SLFN11: variants seen among roughly 807,000 people sequenced by gnomAD.
SLFN11 encodes the protein schlafen family member 11.
In SLFN11, 43 loss-of-function variants were observed where a neutral mutation model predicts 53.4. The observed-to-expected ratio is 0.80, with a 90% confidence interval of 0.63 to 1.04. The LOEUF (loss-of-function observed/expected upper bound fraction) is 1.04, where lower values mean the gene tolerates loss of function less well. Among genes scored for constraint, SLFN11 ranks in the 50% least tolerant of loss-of-function variants. SLFN11 has a pLI of 0.00. For synonymous variants in SLFN11, 389 were observed against 394.7 expected (o/e 0.99, Z 0.17); for missense variants, 990 against 1,079.1 (o/e 0.92, Z 1.16).
At chr17:35,360,059 G>T in intron 5 of SLFN11, 184 bp downstream of exon 5, 1 of 563,392 alleles carries the variant, frequency 1.8e-6, no homozygotes, top group Non-Finnish European at 3.0e-6. Flanking sequence ...TCCTGCCTTA[G>T]CCAGTGGGGT....
At position 35,350,843 on chromosome 17, in the gene SLFN11, A is replaced by G. The variant is rs1906581189; in HGVS notation, c.*1513T>C. 6.6e-6 allele frequency: 1 copy of G among 152,260 alleles called. No individual in the cohort carries two copies. The highest frequency in any genetic ancestry group is 1.5e-5 in the Non-Finnish European group (1 of 68,038). The allele number at this position is 152,260 out of a possible 1,614,324, so 9.4% of individuals were successfully genotyped here. On this transcript the variant is annotated 3_prime_UTR_variant, in exon 7 of 7. Transcript: ENST00000685675. The stretch of plus-strand genomic sequence containing the variant: ...AATCAGTAGAGTAAGATTACCAATA[A>G]GTGAAATATTGGTCATATGATTTCT...
In SLFN11 at chr17:35,366,172, T is replaced by C. The variant is rs115065612; in HGVS notation, c.-20+775A>G. On this transcript the variant is annotated intron_variant, in intron 3 of 6. Coordinates refer to ENST00000685675, the MANE Select transcript of SLFN11 (RefSeq NM_001376007.1). ...ACAGAAGTAACTGAAATCTGGACTATGCATTCTAAGACAAATAGGTCAGGG... is the reference window on the plus strand; with the variant it reads ...ACAGAAGTAACTGAAATCTGGACTACGCATTCTAAGACAAATAGGTCAGGG... Among the ~76,000 whole-genome samples the C allele has an allele frequency of 4.3e-3, 662 of 152,248 alleles. 7 individuals carry two copies. Among genetic ancestry groups the C allele is most frequent in the African/African-American group, 0.015 (634 of 41,568 alleles).
chr17:35,363,741 C>T lies in SLFN11; in HGVS notation c.67G>A (p.Glu23Lys). The stretch of plus-strand genomic sequence containing the variant: ...CTGTTTTCTTCTCCAAGAGTCACTT[C>T]TCCTACATTGATGACCAGGTCTGGG... ...SYPDLVINVGEVTLGEENRKK... is the reference protein window; with the variant it reads ...SYPDLVINVGKVTLGEENRKK... Residue 23 changes from glutamate to lysine, a missense_variant, in exon 4 of 7, where the codon GAA (glutamate) becomes AAA (lysine). Coordinates refer to ENST00000685675, the MANE Select transcript of SLFN11 (RefSeq NM_001376007.1). 1 of 1,613,104 alleles carries T rather than the reference C, an allele frequency of 6.2e-7. No individual in the cohort carries two copies. The highest frequency in any genetic ancestry group is 1.1e-5 in the South Asian group (1 of 90,992).
intron 4 of SLFN11, 139 bp downstream of exon 4, chr17:35,362,600 A>G (rs1908366815): frequency 3.1e-6 from 2 of 654,198 alleles, no homozygotes; most frequent in South Asian, 8.7e-5. Context: ...ATGTATGAAA[A>G]GTAGAATACT....
chr17:35,357,807 A>G (rs1907708829), intron 5 of SLFN11, among the ~76,000 whole-genome samples: 1 of 144,428 alleles, frequency 6.9e-6, no homozygotes. Flanking sequence ...AATATAATAT[A>G]AAGATTTTAA....
chr17:35,352,840 A>G lies in SLFN11; in HGVS notation c.2222T>C (p.Leu741Ser). The change falls in exon 7 of 7, where the codon TTA becomes TCA. Residue 741 changes from leucine (L) to serine (S), a missense_variant. By Grantham distance (145) the Leu-to-Ser change is moderately radical. This residue lies in a region of SLFN11 where 313 missense variants were observed against 320.9 expected (regional missense o/e 0.98). Transcript: ENST00000685675. ...VRNADPIAKY[L>S]QKEMQVIRSN... Reference sequence around the variant, plus strand: ...TCTAATTACTTGCATTTCTTTTTGTAAGTACTTGGCTATTGGATCTGCATT... The same window carrying G: ...TCTAATTACTTGCATTTCTTTTTGTGAGTACTTGGCTATTGGATCTGCATT... The G allele has an allele frequency of 6.2e-7, 1 of 1,614,196 alleles. No individual in the cohort carries two copies. Among genetic ancestry groups the G allele is most frequent in the Non-Finnish European group, 8.5e-7 (1 of 1,180,034 alleles).
chr17:35,352,617 G>C lies in SLFN11; in HGVS notation c.2445C>G (p.Thr815=). Residue 815 remains threonine (T), a synonymous_variant, in exon 7 of 7, where the codon ACC becomes ACG. Coordinates refer to ENST00000685675, the MANE Select transcript of SLFN11 (RefSeq NM_001376007.1). ...ACTTATAGTGCTCCACTTCTTTTGCGGTGCTGACAAGCACAGCAACATCCT... is the reference window on the plus strand; with the variant it reads ...ACTTATAGTGCTCCACTTCTTTTGCCGTGCTGACAAGCACAGCAACATCCT... ...SPKDVAVLVS[T]AKEVEHYKYE... is the part of the protein sequence containing the mutation. 1 of 1,614,004 alleles carries C rather than the reference G, an allele frequency of 6.2e-7. No homozygotes were observed. Among genetic ancestry groups the C allele is most frequent in the Non-Finnish European group, 8.5e-7 (1 of 1,180,020 alleles).
In SLFN11 at chr17:35,351,280, A is replaced by G. The variant is rs996903586; in HGVS notation, c.*1076T>C. 1.2e-4 allele frequency: 19 copies of G among 152,214 alleles called. No individual in the cohort carries two copies. Among genetic ancestry groups the G allele is most frequent in the African/African-American group, 4.1e-4 (17 of 41,426 alleles). 9.4% of individuals were successfully genotyped at this position (152,214 alleles called of 1,614,324 possible). A position where few individuals can be genotyped will look rare whatever the true frequency, so the allele number is the denominator to read the frequency against. On this transcript the variant is annotated 3_prime_UTR_variant, in exon 7 of 7. Transcript: ENST00000685675. ...CCTATAAGGACACCAACCTTAGCAG[A>G]TCAGAGCCCCACCATGACTTCATGT...
In SLFN11 at chr17:35,352,144, G is replaced by A. The variant is rs988846805; in HGVS notation, c.*212C>T. 6 of 606,960 alleles carry A rather than the reference G, an allele frequency of 9.9e-6. No individual in the cohort carries two copies. The highest frequency in any genetic ancestry group is 1.7e-5 in the Non-Finnish European group (6 of 348,434). 37.6% of individuals were successfully genotyped at this position (606,960 alleles called of 1,614,324 possible). A position where few individuals can be genotyped will look rare whatever the true frequency, so the allele number is the denominator to read the frequency against. ...TTAGAAAACCACCATCTTTCTGGCTGGAAGAGTCAGGGGTCAGAATGGGGG... is the reference window on the plus strand; with the variant it reads ...TTAGAAAACCACCATCTTTCTGGCTAGAAGAGTCAGGGGTCAGAATGGGGG... On this transcript the variant is annotated 3_prime_UTR_variant, in exon 7 of 7. Transcript: ENST00000685675.
chr17:35,361,320 G>C (rs1908177316), intron 4 of SLFN11, among the ~76,000 whole-genome samples: 1 of 152,104 alleles, frequency 6.6e-6, no homozygotes. Flanking sequence ...TGCTGGCATA[G>C]AGCATAATGG....
intron 3 of SLFN11, among the ~76,000 whole-genome samples, chr17:35,365,114 G>C (rs965951669): frequency 2.6e-5 from 4 of 152,148 alleles, no homozygotes; most frequent in Non-Finnish European, 5.9e-5. Context: ...TGTGATCCAG[G>C]ATGCAGAAGA....
chr17:35,372,998 C>G (rs1020999380), intron 1 of SLFN11, among the ~76,000 whole-genome samples: 1 of 152,020 alleles, frequency 6.6e-6, no homozygotes, highest in Non-Finnish European at 1.5e-5. Flanking sequence ...CTTTTAGTTT[C>G]TATATTAAGG....
Position 35,353,848 on chromosome 17 carries a change from G to C in SLFN11, c.1410C>G (p.Pro470=). The stretch of plus-strand genomic sequence containing the variant: ...GCTCCCTGAGAATGGTGTAGAGAAT[G>C]GGGGTGCTGTTCTGTGCTATCAGCA... ...DALLIAQNST[P]ILYTILREQD... is the part of the protein sequence containing the mutation. The change falls in exon 6 of 7, where the codon CCC becomes CCG. Residue 470 remains proline (P), a synonymous_variant. Coordinates refer to ENST00000685675, the MANE Select transcript of SLFN11 (RefSeq NM_001376007.1). 6.2e-7 allele frequency: 1 copy of C among 1,606,098 alleles called. No homozygotes were observed. Among genetic ancestry groups the C allele is most frequent in the East Asian group, 2.2e-5 (1 of 44,810 alleles).
At position 35,354,065 on chromosome 17, in the gene SLFN11, T is replaced by A; in HGVS notation, c.1199-6A>T. The A allele has an allele frequency of 6.3e-7, 1 of 1,575,672 alleles. No homozygotes were observed. Among genetic ancestry groups the A allele is most frequent in the Non-Finnish European group, 8.6e-7 (1 of 1,160,646 alleles). On this transcript the variant is annotated splice_region_variant and splice_polypyrimidine_tract_variant and intron_variant, in intron 5 of 6. Coordinates refer to ENST00000685675, the MANE Select transcript of SLFN11 (RefSeq NM_001376007.1). ...TCGCAAATATCCTGGTGGGACTGTA[T>A]GTGAAAAGAATGATAAATTAGAGGA...
chr17:35,360,333 T>C lies in SLFN11; in HGVS notation c.1108A>G (p.Ser370Gly). The change falls in exon 5 of 7, where the codon AGT becomes GGT. Residue 370 changes from serine (S) to glycine (G), a missense_variant. Ser to Gly is a moderately conservative substitution (Grantham distance 56, BLOSUM62 0). Transcript: ENST00000685675. ...CTAAGGGGAGGCCCACTAGATAGAC[T>C]CAGCTGACATTCAAAATCTTCAGAC... is the stretch of plus-strand genomic sequence containing the variant. ...QLSEDFECQL[S>G]LSSGPPLSRP... The C allele has an allele frequency of 2.5e-6, 4 of 1,609,026 alleles. No individual in the cohort carries two copies. The highest frequency in any genetic ancestry group is 3.4e-6 in the Non-Finnish European group (4 of 1,178,424).
chr17:35,365,707 A>G (rs78246230), intron 3 of SLFN11, among the ~76,000 whole-genome samples: 2,355 of 152,322 alleles, frequency 0.015, 42 homozygotes, highest in Non-Finnish European at 0.023. Context: ...TTAATACAGC[A>G]GACAAAATAA....
chr17:35,362,782 C>G lies in SLFN11; in HGVS notation c.1026G>C (p.Leu342=), dbSNP rs1908393899. Residue 342 remains leucine (L), a synonymous_variant, in exon 4 of 7, where the codon CTG becomes CTC. Coordinates refer to ENST00000685675, the MANE Select transcript of SLFN11 (RefSeq NM_001376007.1). ...WIVEDKYVCS[L]TTEKWVGMMT... ...TCATGCCTACCCATTTCTCGGTTGT[C>G]AGGCTGCAGACGTACTTGTCCTCCA... The G allele has an allele frequency of 9.4e-6, 15 of 1,594,658 alleles. No homozygotes were observed. The highest frequency in any genetic ancestry group is 1.3e-5 in the Non-Finnish European group (15 of 1,171,258).
rs564867756 is a variant in SLFN11, at chr17:35,366,453, AT to A, written c.-20+493del. Among the ~76,000 whole-genome samples, 149 of 151,654 alleles carry A rather than the reference AT, an allele frequency of 9.8e-4. No homozygotes were observed. The Middle Eastern group carries it at 0.024, about 24-fold the overall frequency. ...TACTTTGCATCATTATTTGAAAATT[AT>A]TTTTTTTAAATAAAAATTTTAAATA... On this transcript the variant is annotated intron_variant, in intron 3 of 6. Transcript: ENST00000685675.
At chr17:35,359,280 T>C (rs1417990398) in intron 5 of SLFN11, among the ~76,000 whole-genome samples, 2 of 152,136 alleles carry the variant, frequency 1.3e-5, no homozygotes, top group Non-Finnish European at 2.9e-5. Context: ...ATAGATTTAC[T>C]GTTAGATTTT....
Sources: gnomAD v4.1 joint callset for allele counts (sites outside exome capture counted in the v4.1 genomes callset) on GRCh38, gnomAD v4.1.1 for gene constraint, gnomAD v4.1.1 regional missense constraint, MANE v1.5 for transcripts, NCBI Gene and HGNC (gene_info 2026-07-23, HGNC 2026-07-21) for gene names.